PLD1: variants seen among roughly 807,000 people sequenced by gnomAD.
The protein encoded by PLD1 is choline phosphatase 1.
Under a neutral mutation model 137.1 loss-of-function variants are expected in PLD1, and 112 were observed. That is an observed-to-expected ratio of 0.82 (90% confidence interval 0.70 to 0.96). The LOEUF (loss-of-function observed/expected upper bound fraction) is 0.96. PLD1 is among the 40% of genes least tolerant of loss of function. The pLI, the probability that PLD1 is intolerant of heterozygous loss-of-function variation, is 0.00. For missense variants in PLD1, 1,321 were observed against 1,342.0 expected, an observed-to-expected ratio of 0.98 and a Z score of 0.24; for synonymous variants, 431 against 454.7, an observed-to-expected ratio of 0.95 and a Z score of 0.66.
At chr3:171,745,782 G>T (rs561434934) in intron 1 of PLD1, among the ~76,000 whole-genome samples, 1 of 152,178 alleles carries the variant, frequency 6.6e-6, no homozygotes, top group African/African-American at 2.4e-5. Flanking sequence ...TGGCGTCCAC[G>T]CTGGCTGCGC....
In PLD1 at chr3:171,774,092, T is replaced by G. The variant is rs191207074; in HGVS notation, c.-31-36010A>C. On this transcript the variant is annotated intron_variant, in intron 1 of 26. Coordinates refer to ENST00000351298, the MANE Select transcript of PLD1 (RefSeq NM_002662.5). ...TGATAAAACTGAGGCGTCCAAAGGC[T>G]AGTAAGTACACTGCCAAGATCACAC... Among the ~76,000 whole-genome samples, 29 of 152,108 alleles carry G rather than the reference T, an allele frequency of 1.9e-4. No individual in the cohort carries two copies. The East Asian group carries it at 5.0e-3, about 26-fold the overall frequency.
intron 26 of PLD1, among the ~76,000 whole-genome samples, chr3:171,604,145 C>T (rs1732022020): frequency 6.6e-6 from 1 of 151,848 alleles, no homozygotes; most frequent in East Asian, 1.9e-4. Context: ...TCAAGACCAG[C>T]CTGTATCATA....
chr3:171,628,725 G>T (rs1734367415), intron 23 of PLD1, among the ~76,000 whole-genome samples: 1 of 151,288 alleles, frequency 6.6e-6, no homozygotes, highest in Non-Finnish European at 1.5e-5. Flanking sequence ...ATCAATAAAT[G>T]TAATCCAGCA....
intron 24 of PLD1, among the ~76,000 whole-genome samples, chr3:171,614,641 G>A (rs183379335): frequency 2.0e-5 from 3 of 152,288 alleles, no homozygotes; most frequent in African/African-American, 4.8e-5. Flanking sequence ...TGGCTTAATC[G>A]CCCCATGTGT....
At chr3:171,620,543 T>A in intron 23 of PLD1, 23 bp from the exon 24 acceptor site, 1 of 1,433,198 alleles carries the variant, frequency 7.0e-7, no homozygotes, top group Non-Finnish European at 9.8e-7. Context: ...AAAGAAATTA[T>A]TAAAATTAAT....
In PLD1 at chr3:171,672,041, C is replaced by A. The variant is rs548482491; in HGVS notation, c.2229+2459G>T. On this transcript the variant is annotated intron_variant, in intron 19 of 26. Coordinates refer to ENST00000351298, the MANE Select transcript of PLD1 (RefSeq NM_002662.5). Reference sequence around the variant, plus strand: ...AACTTCATCAGTGCCTCTCTAAGAGCGAATGGGTTACTGCAGTCAGTCCTT... The same window carrying A: ...AACTTCATCAGTGCCTCTCTAAGAGAGAATGGGTTACTGCAGTCAGTCCTT... Among the ~76,000 whole-genome samples, 5 of 147,414 alleles carry A rather than the reference C, an allele frequency of 3.4e-5. No homozygotes were observed. The East Asian group carries it at 1.0e-3, about 31-fold the overall frequency.
intron 1 of PLD1, among the ~76,000 whole-genome samples, chr3:171,784,858 T>G (rs2108345224): frequency 6.6e-6 from 1 of 152,332 alleles, no homozygotes; most frequent in African/African-American, 2.4e-5. Context: ...GAGAATCATC[T>G]AATATTTGAA....
chr3:171,730,639 A>G (rs1175426492), intron 6 of PLD1, among the ~76,000 whole-genome samples: 2 of 108,024 alleles, frequency 1.9e-5, no homozygotes, highest in African/African-American at 8.3e-5. Flanking sequence ...TAATAAATCT[A>G]TCTCCACTTT....
chr3:171,628,796 T>C (rs954807932), intron 23 of PLD1, among the ~76,000 whole-genome samples: 7 of 152,142 alleles, frequency 4.6e-5, no homozygotes, highest in African/African-American at 1.7e-4. Context: ...AAAAGGCCTT[T>C]GACAAAATTC....
rs564419848 is a variant in PLD1 at position 171,688,587 on chromosome 3, T to C, written c.1539+89A>G. 945 of 1,002,178 alleles carry C rather than the reference T, an allele frequency of 9.4e-4. 1 individual carries two copies. The highest frequency in any genetic ancestry group is 1.3e-3 in the Non-Finnish European group (835 of 638,072). The allele number at this position is 1,002,178 out of a possible 1,614,324, so 62.1% of individuals were successfully genotyped here. A position where few individuals can be genotyped will look rare whatever the true frequency, so the allele number is the denominator to read the frequency against. The stretch of plus-strand genomic sequence containing the variant: ...CCCTCCAAGGAGACACCATCTCTTA[T>C]TCAATGAATCAATCAGTCATGCTAC... On this transcript the variant is annotated intron_variant, in intron 14 of 26. Transcript: ENST00000351298.
chr3:171,720,101 C>T (rs1717980564), intron 8 of PLD1, among the ~76,000 whole-genome samples: 1 of 151,908 alleles, frequency 6.6e-6, no homozygotes, highest in Non-Finnish European at 1.5e-5. Context: ...TCAAGACCAG[C>T]CTGGGCAATA....
At chr3:171,744,588 T>C (rs1311515154) in intron 1 of PLD1, among the ~76,000 whole-genome samples, 1 of 152,196 alleles carries the variant, frequency 6.6e-6, no homozygotes, top group Non-Finnish European at 1.5e-5. Context: ...CCCTGAGATA[T>C]ACAGACTGGT....
chr3:171,654,065 C>A, intron 21 of PLD1: 1 of 380,578 alleles, frequency 2.6e-6, no homozygotes, highest in Non-Finnish European at 5.2e-6. Flanking sequence ...CTTTGGGAGG[C>A]CGAGGTGGGC....
chr3:171,787,954 C>A (rs1374142377), intron 1 of PLD1, among the ~76,000 whole-genome samples: 1 of 151,904 alleles, frequency 6.6e-6, no homozygotes. Flanking sequence ...TGCCTATACT[C>A]CCAGCACTTT....
intron 1 of PLD1, among the ~76,000 whole-genome samples, chr3:171,739,858 C>T (rs1028704590): frequency 6.6e-5 from 10 of 152,158 alleles, no homozygotes; most frequent in African/African-American, 2.4e-4. Flanking sequence ...TTCTCAACCA[C>T]GACCTTTATC....
chr3:171,626,623 A>G (rs1206899803), intron 23 of PLD1, among the ~76,000 whole-genome samples: 1 of 149,370 alleles, frequency 6.7e-6, no homozygotes, highest in Non-Finnish European at 1.5e-5. Flanking sequence ...TTACCCACAA[A>G]GGGAAGCCCA....
intron 23 of PLD1, among the ~76,000 whole-genome samples, chr3:171,623,858 A>T (rs1733852535): frequency 6.6e-6 from 1 of 152,032 alleles, no homozygotes; most frequent in African/African-American, 2.4e-5. Flanking sequence ...AAAACTCCAA[A>T]TTTTTTTTAA....
chr3:171,706,637 AC>A (rs1190187688), intron 11 of PLD1, among the ~76,000 whole-genome samples: 3 of 152,294 alleles, frequency 2.0e-5, no homozygotes, highest in African/African-American at 7.2e-5. Context: ...CTGACTCCAT[AC>A]AGAGACTGGT....
chr3:171,607,951 AT>A, intron 25 of PLD1, among the ~76,000 whole-genome samples: 1 of 152,144 alleles, frequency 6.6e-6, no homozygotes, highest in Non-Finnish European at 1.5e-5. Context: ...GTGAAACTGC[AT>A]TTTTTAAGTG....
Sources: allele counts gnomAD v4.1 joint callset (sites outside exome capture counted in the v4.1 genomes callset), GRCh38; gene constraint gnomAD v4.1.1; transcripts MANE v1.5; gene names NCBI Gene and HGNC (gene_info 2026-07-23, HGNC 2026-07-21).